MYOF: variants seen among roughly 807,000 people sequenced by gnomAD.
MYOF encodes the protein fer-1-like 3, myoferlin.
A neutral mutation model predicts 284.2 loss-of-function variants in MYOF; 244 were observed. That is an observed-to-expected ratio of 0.86 (90% CI 0.77 to 0.95). MYOF has a LOEUF of 0.95. Ranked by LOEUF, MYOF falls within the 40% of genes least tolerant of loss-of-function variation. The pLI is 0.00. For synonymous variants in MYOF, 904 were observed against 919.7 expected (o/e 0.98, Z 0.31); for missense variants, 2,496 against 2,560.6 (o/e 0.97, Z 0.54).
intron 48 of MYOF, among the ~76,000 whole-genome samples, chr10:93,322,668 G>C (rs1264141825): frequency 6.6e-6 from 1 of 152,176 alleles, no homozygotes; most frequent in African/African-American, 2.4e-5. Flanking sequence ...GACATGGGCT[G>C]CTGGTAATAA....
At chr10:93,388,926 G>A in intron 18 of MYOF, 104 bp downstream of exon 18, 1 of 1,420,274 alleles carries the variant, frequency 7.0e-7, no homozygotes, top group Non-Finnish European at 9.5e-7. Context: ...CTAAGTCTTA[G>A]GGAGTATGAA....
In MYOF at chr10:93,329,829, T is replaced by C; in HGVS notation, c.4817A>G (p.Tyr1606Cys). The change falls in exon 44 of 54, where the codon TAC becomes TGC. Residue 1606 changes from tyrosine to cysteine, a missense_variant. Tyr to Cys is a radical substitution (Grantham distance 194). Coordinates refer to ENST00000359263, the MANE Select transcript of MYOF (RefSeq NM_013451.4). ...NTLNPVFGRM[Y>C]ELSCYLPQEK... ...TTGAGGTAAGTAGCAGCTCAGTTCGTACATCCTAAATAAACAAATGCAAGG... is the reference window on the plus strand; with the variant it reads ...TTGAGGTAAGTAGCAGCTCAGTTCGCACATCCTAAATAAACAAATGCAAGG... 1 of 1,614,130 alleles carries C rather than the reference T, an allele frequency of 6.2e-7. No individual in the cohort carries two copies. Among genetic ancestry groups the C allele is most frequent in the Non-Finnish European group, 8.5e-7 (1 of 1,179,996 alleles).
intron 12 of MYOF, among the ~76,000 whole-genome samples, chr10:93,400,866 T>G (rs1415379451): frequency 3.4e-5 from 5 of 148,130 alleles, no homozygotes; most frequent in East Asian, 3.9e-4. Context: ...TTTTTTTTTT[T>G]TTTTTTTTTT....
Position 93,366,540 on chromosome 10 carries a change from G to A in MYOF, c.2605C>T (p.Leu869Phe). The A allele has an allele frequency of 1.2e-6, 2 of 1,604,814 alleles. No individual in the cohort carries two copies. Among genetic ancestry groups the A allele is most frequent in the South Asian group, 1.1e-5 (1 of 89,446 alleles). ...VFAEMYENQALMFGKWGTSGL... is the reference protein window; with the variant it reads ...VFAEMYENQAFMFGKWGTSGL... ...GAAGTACCCCATTTTCCAAACATGA[G>A]AGCTTGATTTTCATACTATTAAAAA... is the stretch of plus-strand genomic sequence containing the variant. The change falls in exon 26 of 54, where the codon CTC becomes TTC. Residue 869 changes from leucine to phenylalanine, a missense_variant. Physicochemically the swap from Leu to Phe is conservative, Grantham distance 22. Around this residue, in one of 3 missense-constraint regions of MYOF, gnomAD observed 2,436 missense variants for 2,480.7 expected, o/e 0.98. Transcript: ENST00000359263.
At chr10:93,480,812 T>G (rs2057370516) in intron 1 of MYOF, among the ~76,000 whole-genome samples, 1 of 152,104 alleles carries the variant, frequency 6.6e-6, no homozygotes, top group East Asian at 1.9e-4. Context: ...ATTTTCTTGC[T>G]CATCCTCAGA....
chr10:93,388,927 G>T, intron 18 of MYOF, 103 bp downstream of exon 18: 2 of 1,422,508 alleles, frequency 1.4e-6, no homozygotes. Flanking sequence ...TAAGTCTTAG[G>T]GAGTATGAAA....
At chr10:93,316,869 T>G in intron 49 of MYOF, 56 bp from the exon 50 acceptor site, 1 of 1,432,890 alleles carries the variant, frequency 7.0e-7, no homozygotes, top group Non-Finnish European at 9.8e-7. Context: ...CTTTGGCTCC[T>G]TAAGACAGCA....
chr10:93,351,939 T>C, intron 32 of MYOF, 93 bp from the exon 33 acceptor site: 1 of 1,208,496 alleles, frequency 8.3e-7, no homozygotes. Context: ...CCTCTGGATA[T>C]AATGACAGTG....
At chr10:93,328,021 C>A (rs184623511) in intron 45 of MYOF, among the ~76,000 whole-genome samples, 100 of 152,204 alleles carry the variant, frequency 6.6e-4, no homozygotes, top group African/African-American at 2.2e-3. Flanking sequence ...CCACCCGACT[C>A]GACCTCCCAA....
At chr10:93,409,795 A>G in intron 5 of MYOF, 56 bp from the exon 6 acceptor site, 1 of 1,587,318 alleles carries the variant, frequency 6.3e-7, no homozygotes, top group Non-Finnish European at 8.6e-7. Context: ...TAAATGTCCA[A>G]AGGCTCAGGT....
At chr10:93,349,770 C>T (rs779167037) in intron 36 of MYOF, 38 bp downstream of exon 36, 9 of 1,600,172 alleles carry the variant, frequency 5.6e-6, no homozygotes, top group Non-Finnish European at 5.1e-6. Context: ...TTTCATATTT[C>T]AACGCGCATG....
intron 37 of MYOF, 65 bp from the exon 38 acceptor site, chr10:93,343,997 C>T: frequency 6.4e-7 from 1 of 1,566,076 alleles, no homozygotes; most frequent in East Asian, 2.3e-5. Flanking sequence ...CATTCTACTC[C>T]AAGTTCAAGT....
chr10:93,336,763 AGAAG>A (rs1843625080), intron 40 of MYOF, among the ~76,000 whole-genome samples: 1 of 151,560 alleles, frequency 6.6e-6, no homozygotes, highest in South Asian at 2.1e-4. Context: ...ATGAAGGAGG[AGAAG>A]GAAGGAAGAA....
At chr10:93,479,350 T>C (rs1000932896) in intron 1 of MYOF, among the ~76,000 whole-genome samples, 9 of 152,126 alleles carry the variant, frequency 5.9e-5, no homozygotes, top group Non-Finnish European at 8.8e-5. Context: ...GTGTCTGCCT[T>C]TGTTCCATGT....
Position 93,351,837 on chromosome 10 carries a change from G to A in MYOF, c.3491C>T (p.Ala1164Val), listed in dbSNP as rs781488723. ...LDKDSFSDPYAHICFLHRSKT... is the reference protein window; with the variant it reads ...LDKDSFSDPYVHICFLHRSKT... ...GCTCCGATGGAGGAAACAGATATGA[G>A]CATATGGATCTAAAACAGAAAAAGA... Residue 1164 changes from alanine (A) to valine (V), a missense_variant, in exon 33 of 54, where the codon GCT (alanine) becomes GTT (valine). By Grantham distance (64) the Ala-to-Val change is moderately conservative. Coordinates refer to ENST00000359263, the MANE Select transcript of MYOF (RefSeq NM_013451.4). 9 of 1,583,724 alleles carry A rather than the reference G, an allele frequency of 5.7e-6. No homozygotes were observed. Among genetic ancestry groups the A allele is most frequent in the South Asian group, 2.3e-5 (2 of 85,336 alleles).
chr10:93,465,498 C>A (rs181964959), intron 1 of MYOF, among the ~76,000 whole-genome samples: 8 of 141,564 alleles, frequency 5.7e-5, no homozygotes, highest in Non-Finnish European at 9.4e-5. Context: ...CAGATGATTT[C>A]TTTCTTTTTC....
intron 19 of MYOF, among the ~76,000 whole-genome samples, chr10:93,384,123 C>T (rs983137083): frequency 3.9e-5 from 6 of 152,184 alleles, no homozygotes; most frequent in Non-Finnish European, 5.9e-5. Context: ...ACTGTGCAAG[C>T]CCAGATTCCA....
chr10:93,340,220 G>T, intron 38 of MYOF, 56 bp from the exon 39 acceptor site: 1 of 1,588,870 alleles, frequency 6.3e-7, no homozygotes, highest in East Asian at 2.2e-5. Context: ...AGGTCACATA[G>T]ATATGGAGAC....
chr10:93,354,537 C>T (rs787626), intron 31 of MYOF, among the ~76,000 whole-genome samples: 45,172 of 151,960 alleles, frequency 0.3, 8,015 homozygotes, highest in Non-Finnish European at 0.41. Flanking sequence ...GCTATAGAAA[C>T]GGGGCTTTCT....
Sources: allele counts gnomAD v4.1 joint callset (sites outside exome capture counted in the v4.1 genomes callset), GRCh38; gene constraint gnomAD v4.1.1; regional missense constraint gnomAD v4.1.1; transcripts MANE v1.5; gene names NCBI Gene and HGNC (gene_info 2026-07-23, HGNC 2026-07-21).